The following SUDS3 variants were observed in gnomAD, a reference collection of about 807,000 sequenced individuals.
The protein encoded by SUDS3 is sin3 histone deacetylase corepressor complex component SDS3.
A neutral mutation model predicts 53.5 loss-of-function variants in SUDS3; 23 were observed. That is an observed-to-expected ratio of 0.43 (90% CI 0.31 to 0.61). SUDS3 has a LOEUF of 0.61. Ranked by LOEUF, SUDS3 falls within the 20% of genes least tolerant of loss-of-function variation. The pLI is 0.10. For synonymous variants in SUDS3, 150 were observed against 148.5 expected (o/e 1.01, Z -0.08); for missense variants, 291 against 405.9 (o/e 0.72, Z 2.43).
intron 5 of SUDS3, among the ~76,000 whole-genome samples, chr12:118,390,539 C>T (rs1365668679): frequency 1.3e-5 from 2 of 152,136 alleles, no homozygotes; most frequent in Admixed American, 6.5e-5. Context: ...CAGTGTGGTG[C>T]CCATAGTCAC....
intron 10 of SUDS3, chr12:118,404,609 C>T (rs2141386251): frequency 6.6e-6 from 1 of 152,278 alleles, no homozygotes; most frequent in African/African-American, 2.4e-5. Flanking sequence ...TCTTTTCATT[C>T]TGATATATTT....
intron 1 of SUDS3, among the ~76,000 whole-genome samples, chr12:118,378,750 A>G (rs967894434): frequency 6.6e-6 from 1 of 151,988 alleles, no homozygotes; most frequent in Non-Finnish European, 1.5e-5. Flanking sequence ...ATCTCGGCTC[A>G]CCACAACCTC....
intron 6 of SUDS3, among the ~76,000 whole-genome samples, chr12:118,398,290 G>T (rs1757744091): frequency 6.6e-6 from 1 of 152,154 alleles, no homozygotes; most frequent in African/African-American, 2.4e-5. Flanking sequence ...GAGACATACA[G>T]CACTTACAAA....
chr12:118,412,970 A>G (rs956978337), intron 11 of SUDS3, among the ~76,000 whole-genome samples: 10 of 152,168 alleles, frequency 6.6e-5, no homozygotes, highest in African/African-American at 1.2e-4. Context: ...CACTGGAGCT[A>G]CTTGGCTTTA....
chr12:118,417,265 A>G lies in SUDS3; in HGVS notation c.*2832A>G, dbSNP rs908330444. 1 of 152,140 alleles carries G rather than the reference A, an allele frequency of 6.6e-6. No individual in the cohort carries two copies. Among genetic ancestry groups the G allele is most frequent in the African/African-American group, 2.4e-5 (1 of 41,430 alleles). 9.4% of individuals were successfully genotyped at this position (152,140 alleles called of 1,614,324 possible). On this transcript the variant is annotated 3_prime_UTR_variant, in exon 12 of 12. Transcript: ENST00000543473. ...AGTGTAAGGTCGATCCCAGAGGCTGATCTGCAAATCAAGCTACATGTATTT... is the reference window on the plus strand; with the variant it reads ...AGTGTAAGGTCGATCCCAGAGGCTGGTCTGCAAATCAAGCTACATGTATTT...
intron 5 of SUDS3, 34 bp from the exon 6 acceptor site, chr12:118,391,092 G>A: frequency 6.2e-7 from 1 of 1,611,038 alleles, no homozygotes; most frequent in South Asian, 1.1e-5. Flanking sequence ...TCCCAGGGCT[G>A]TGTACTCCCA....
intron 6 of SUDS3, among the ~76,000 whole-genome samples, chr12:118,397,928 T>TA (rs2046230548): frequency 6.6e-6 from 1 of 152,144 alleles, no homozygotes; most frequent in South Asian, 2.1e-4. Flanking sequence ...AGACAGAACA[T>TA]TCCATAATGT....
At chr12:118,392,629 G>A (rs1283523420) in intron 6 of SUDS3, among the ~76,000 whole-genome samples, 1 of 152,150 alleles carries the variant, frequency 6.6e-6, no homozygotes, top group Non-Finnish European at 1.5e-5. Flanking sequence ...GTAGCACCGT[G>A]GTACCTTATC....
At chr12:118,403,343 A>T (rs1400459219) in intron 9 of SUDS3, 69 bp from the exon 10 acceptor site, 3 of 1,179,018 alleles carry the variant, frequency 2.5e-6, no homozygotes, top group Admixed American at 3.9e-5. Context: ...TTTCAATTAA[A>T]GCATGTTAAC....
At chr12:118,379,956 T>G (rs116016883) in intron 1 of SUDS3, among the ~76,000 whole-genome samples, 1,924 of 152,334 alleles carry the variant, frequency 0.013, 36 homozygotes, top group African/African-American at 0.043. Context: ...TTCTTTGCAT[T>G]GGCCTTTTGT....
intron 6 of SUDS3, among the ~76,000 whole-genome samples, chr12:118,399,091 G>A (rs2046241541): frequency 6.6e-6 from 1 of 152,156 alleles, no homozygotes; most frequent in African/African-American, 2.4e-5. Flanking sequence ...GGTGCCCTTG[G>A]GTAACAGGAT....
chr12:118,383,275 T>C lies in SUDS3; in HGVS notation c.213-737T>C, dbSNP rs1035313347. On this transcript the variant is annotated intron_variant, in intron 2 of 11. Coordinates refer to ENST00000543473, the MANE Select transcript of SUDS3 (RefSeq NM_022491.3). Reference sequence around the variant, plus strand: ...AAATCTTGTTTTTATCACTGTTAAATTGAGGGTGTTTTTCAGGTAGAAGCA... The same window carrying C: ...AAATCTTGTTTTTATCACTGTTAAACTGAGGGTGTTTTTCAGGTAGAAGCA... Among the ~76,000 whole-genome samples the C allele has an allele frequency of 1.4e-4, 21 of 152,216 alleles. 1 individual carries two copies. Among genetic ancestry groups the C allele is most frequent in the African/African-American group, 7.2e-5 (3 of 41,464 alleles).
At chr12:118,396,363 C>T (rs1566203542) in intron 6 of SUDS3, among the ~76,000 whole-genome samples, 1 of 151,910 alleles carries the variant, frequency 6.6e-6, no homozygotes, top group Admixed American at 6.6e-5. Flanking sequence ...TCAAATGATC[C>T]ACCTCAGCCT....
At chr12:118,410,390 A>G (rs1270094929) in intron 10 of SUDS3, among the ~76,000 whole-genome samples, 4 of 152,144 alleles carry the variant, frequency 2.6e-5, no homozygotes, top group Admixed American at 6.5e-5. Flanking sequence ...TTATTTAACA[A>G]TTTTTAATTT....
At chr12:118,404,488 GT>G (rs1191894544) in intron 10 of SUDS3, 2 of 152,206 alleles carry the variant, frequency 1.3e-5, no homozygotes, top group Non-Finnish European at 2.9e-5. Flanking sequence ...TGGCAAAACA[GT>G]ATGAAAGAAC....
intron 4 of SUDS3, 46 bp downstream of exon 4, chr12:118,386,231 C>T: frequency 1.4e-6 from 2 of 1,474,826 alleles, no homozygotes; most frequent in Non-Finnish European, 9.3e-7. Context: ...AATGTTTGAC[C>T]ATTTGCCGAT....
intron 4 of SUDS3, among the ~76,000 whole-genome samples, chr12:118,387,814 C>G (rs1470348314): frequency 6.6e-6 from 1 of 152,136 alleles, no homozygotes; most frequent in African/African-American, 2.4e-5. Flanking sequence ...CCTTGGCCTC[C>G]CAAAGTGCTG....
intron 4 of SUDS3, among the ~76,000 whole-genome samples, chr12:118,387,651 A>G (rs2046127292): frequency 6.6e-6 from 1 of 151,852 alleles, no homozygotes; most frequent in Admixed American, 6.6e-5. Context: ...TCCTGGGTTC[A>G]AGCGATTCTC....
Position 118,386,083 on chromosome 12 carries a change from A to G in SUDS3, c.269-31A>G, listed in dbSNP as rs749966744. 9 of 1,510,794 alleles carry G rather than the reference A, an allele frequency of 6.0e-6. No individual in the cohort carries two copies. The South Asian group carries it at 8.4e-5, about 14-fold the overall frequency. 93.6% of individuals were successfully genotyped at this position (1,510,794 alleles called of 1,614,324 possible). On this transcript the variant is annotated intron_variant, in intron 3 of 11. Transcript: ENST00000543473. Reference sequence around the variant, plus strand: ...AATGTAGAGCAGATTTATATTCACAATAATTTTATTTTTCAAATGTTCAAA... The same window carrying G: ...AATGTAGAGCAGATTTATATTCACAGTAATTTTATTTTTCAAATGTTCAAA...
Sources: gnomAD v4.1 joint callset for allele counts (sites outside exome capture counted in the v4.1 genomes callset) on GRCh38, gnomAD v4.1.1 for gene constraint, MANE v1.5 for transcripts, NCBI Gene and HGNC (gene_info 2026-07-23, HGNC 2026-07-21) for gene names.